The following ARB2A variants were observed in gnomAD, a reference collection of about 807,000 sequenced individuals.
ARB2A encodes cotranscriptional regulator ARB2A.
the ARB2A span, among the ~76,000 whole-genome samples, chr5:94,038,949 A>G: frequency 6.6e-6 from 1 of 152,158 alleles, no homozygotes; most frequent in African/African-American, 2.4e-5. Context: ...AATTTCCACT[A>G]TCCTCTGTAT....
chr5:94,097,658 G>A, the ARB2A span, among the ~76,000 whole-genome samples: 2 of 142,500 alleles, frequency 1.4e-5, no homozygotes, highest in East Asian at 2.6e-4. Context: ...ACATGTAACT[G>A]TAAGACCATT....
At chr5:93,629,205 TAGTC>T in the ARB2A span, among the ~76,000 whole-genome samples, 1 of 152,074 alleles carries the variant, frequency 6.6e-6, no homozygotes, top group Non-Finnish European at 1.5e-5. Context: ...ATCCAACGAG[TAGTC>T]AGAGTATACA....
the ARB2A span, among the ~76,000 whole-genome samples, chr5:93,718,110 T>C: frequency 1.3e-5 from 2 of 151,596 alleles, no homozygotes; most frequent in African/African-American, 4.8e-5. Flanking sequence ...GGGACAGGAG[T>C]GAACCACCCC....
the ARB2A span, among the ~76,000 whole-genome samples, chr5:93,966,733 AAC>A: frequency 1.6e-4 from 25 of 152,212 alleles, no homozygotes; most frequent in South Asian, 5.2e-3. Flanking sequence ...TCCTTCAGGT[AAC>A]TCTCACGGTC....
chr5:93,644,815 G>A, the ARB2A span, among the ~76,000 whole-genome samples: 2 of 152,132 alleles, frequency 1.3e-5, no homozygotes, highest in African/African-American at 4.8e-5. Context: ...ACGGTGATAT[G>A]ATATGAAGCA....
the ARB2A span, among the ~76,000 whole-genome samples, chr5:93,627,317 T>C: frequency 3.9e-5 from 6 of 152,258 alleles, no homozygotes; most frequent in Admixed American, 3.9e-4. Context: ...CTCCCATGAA[T>C]CACAAATGTT....
chr5:94,035,462 T>C, the ARB2A span, among the ~76,000 whole-genome samples: 1 of 152,192 alleles, frequency 6.6e-6, no homozygotes, highest in Non-Finnish European at 1.5e-5. Context: ...TGCTTTAATA[T>C]ACCATATTGA....
the ARB2A span, among the ~76,000 whole-genome samples, chr5:94,016,613 T>A: frequency 6.6e-6 from 1 of 152,190 alleles, no homozygotes; most frequent in African/African-American, 2.4e-5. Flanking sequence ...CTGGATTGGC[T>A]TTATAATACC....
At chr5:93,629,116 A>G in the ARB2A span, among the ~76,000 whole-genome samples, 1 of 152,202 alleles carries the variant, frequency 6.6e-6, no homozygotes, top group East Asian at 1.9e-4. Flanking sequence ...TTGTAGGGTT[A>G]TTAATTGGCC....
the ARB2A span, among the ~76,000 whole-genome samples, chr5:93,960,434 A>G: frequency 1.3e-5 from 2 of 151,970 alleles, no homozygotes; most frequent in Admixed American, 1.3e-4. Flanking sequence ...TGTATGCTTT[A>G]CTCTACATTT....
chr5:93,833,553 A>G, the ARB2A span, among the ~76,000 whole-genome samples: 2 of 152,348 alleles, frequency 1.3e-5, no homozygotes, highest in South Asian at 2.1e-4. Flanking sequence ...TGTAATTTTT[A>G]TCATATAAAA....
the ARB2A span, among the ~76,000 whole-genome samples, chr5:93,916,411 C>T: frequency 6.6e-6 from 1 of 152,086 alleles, no homozygotes; most frequent in African/African-American, 2.4e-5. Flanking sequence ...TGTATATTTA[C>T]AATGTATTAA....
At chr5:93,920,378 G>C in the ARB2A span, among the ~76,000 whole-genome samples, 4 of 152,138 alleles carry the variant, frequency 2.6e-5, no homozygotes, top group East Asian at 5.8e-4. Context: ...TTGTGTGACA[G>C]AATAAGATAA....
At chr5:94,060,859 A>C in the ARB2A span, among the ~76,000 whole-genome samples, 1 of 152,200 alleles carries the variant, frequency 6.6e-6, no homozygotes, top group East Asian at 1.9e-4. Flanking sequence ...AAAAATCAAC[A>C]TGTAATCCAC....
At chr5:93,892,212 G>T in the ARB2A span, among the ~76,000 whole-genome samples, 3 of 152,258 alleles carry the variant, frequency 2.0e-5, no homozygotes, top group African/African-American at 7.2e-5. Context: ...GCTGCAATAA[G>T]CTAGGTTTTC....
the ARB2A span, among the ~76,000 whole-genome samples, chr5:93,704,402 AAAAT>A: frequency 2.2e-3 from 341 of 152,256 alleles, 1 homozygote; most frequent in African/African-American, 8.0e-3. Flanking sequence ...AAACAAAACA[AAAAT>A]AAATAAAATT....
the ARB2A span, among the ~76,000 whole-genome samples, chr5:94,086,883 T>C: frequency 6.6e-6 from 1 of 152,192 alleles, no homozygotes; most frequent in Admixed American, 6.5e-5. Context: ...ACAATACTTT[T>C]CACGTAAAGT....
At chr5:93,770,258 C>A in the ARB2A span, among the ~76,000 whole-genome samples, 27 of 152,208 alleles carry the variant, frequency 1.8e-4, no homozygotes, top group Middle Eastern at 3.4e-3. Context: ...ATTCAACAAC[C>A]CTTCATGCTA....
the ARB2A span, among the ~76,000 whole-genome samples, chr5:93,828,919 G>C: frequency 1.3e-5 from 2 of 152,116 alleles, no homozygotes; most frequent in Non-Finnish European, 2.9e-5. Context: ...TGGGGTTACA[G>C]GTGCATGCCA....
Sources: gnomAD v4.1 joint callset for allele counts (sites outside exome capture counted in the v4.1 genomes callset) on GRCh38, gnomAD v4.1.1 for gene constraint, MANE v1.5 for transcripts, NCBI Gene and HGNC (gene_info 2026-07-23, HGNC 2026-07-21) for gene names.